Variants in DLG1 observed in about 807,000 individuals in gnomAD.
DLG1 encodes the protein discs large MAGUK scaffold protein 1.
A neutral mutation model predicts 123.4 loss-of-function variants in DLG1; 42 were observed. That is an observed-to-expected ratio of 0.34 (90% CI 0.27 to 0.44). The LOEUF is 0.44. DLG1 is among the 20% of genes least tolerant of loss of function. DLG1 has a pLI of 1.00. For missense variants in DLG1, 942 were observed against 1,082.6 expected (o/e 0.87, Z 1.82); for synonymous variants, 317 against 356.2 (o/e 0.89, Z 1.24).
intron 11 of DLG1, among the ~76,000 whole-genome samples, chr3:197,127,496 A>ATATATATATATATATATATATATATAT (rs1780315026): frequency 8.1e-6 from 1 of 123,936 alleles, no homozygotes; most frequent in Non-Finnish European, 1.7e-5. Flanking sequence ...ATATATATAT[A>ATATATATATATATATATATATATATAT]AAGTAAGAAA....
At chr3:197,164,162 C>T (rs1342634608) in intron 5 of DLG1, among the ~76,000 whole-genome samples, 4 of 151,492 alleles carry the variant, frequency 2.6e-5, no homozygotes. Flanking sequence ...GAGGCCGATG[C>T]GGGTGGATCG....
intron 4 of DLG1, among the ~76,000 whole-genome samples, chr3:197,228,336 T>C (rs145513433): frequency 9.3e-4 from 141 of 152,354 alleles, no homozygotes; most frequent in African/African-American, 3.3e-3. Context: ...AAGCACATTA[T>C]TTGGCACATG....
In DLG1 at chr3:197,155,690, T is replaced by A. The variant is rs574374918; in HGVS notation, c.484-5894A>T. 4.6e-5 allele frequency among the ~76,000 whole-genome samples: 7 copies of A among 150,786 alleles called. No individual in the cohort carries two copies. In the East Asian group the frequency reaches 1.2e-3, roughly 25 times the overall value. On this transcript the variant is annotated intron_variant, in intron 5 of 24. Transcript: ENST00000667157. ...ACACCTGTAATCCCAGCACTTCAGG[T>A]GGCCGAGGCAGGCAGAGATGGCTTG...
chr3:197,273,398 C>G (rs949399262), intron 4 of DLG1, among the ~76,000 whole-genome samples: 11 of 151,954 alleles, frequency 7.2e-5, no homozygotes, highest in African/African-American at 2.2e-4. Flanking sequence ...CCACAACAAC[C>G]GGCTAATTTT....
intron 4 of DLG1, among the ~76,000 whole-genome samples, chr3:197,274,895 A>C (rs1765652816): frequency 6.6e-6 from 1 of 152,212 alleles, no homozygotes; most frequent in Non-Finnish European, 1.5e-5. Flanking sequence ...GGAAATCAAA[A>C]CCATAATAAG....
At chr3:197,066,614 A>T (rs1243812388) in intron 20 of DLG1, 90 bp downstream of exon 20, 2 of 976,712 alleles carry the variant, frequency 2.0e-6, no homozygotes, top group African/African-American at 3.3e-5. Flanking sequence ...ATTTTAATAC[A>T]ACATTTTTTG....
At chr3:197,130,797 A>G in intron 10 of DLG1, 126 bp from the exon 11 acceptor site, 2 of 690,196 alleles carry the variant, frequency 2.9e-6, no homozygotes, top group South Asian at 2.2e-5. Context: ...GCCGAAAGAA[A>G]ATACCCATGT....
rs35792548 is a variant in DLG1 at position 197,053,774 on chromosome 3, TAAA to T, written c.2484-2109_2484-2107del. ...GGGAGACAGAGTAGACCCTGTCTCA[TAAA>T]AAAAAAAAAAAAAAAAATCTGCTGA... On this transcript the variant is annotated intron_variant, in intron 23 of 24. Coordinates refer to ENST00000667157, the MANE Select transcript of DLG1 (RefSeq NM_001366207.1). Among the ~76,000 whole-genome samples the T allele has an allele frequency of 7.9e-4, 77 of 97,288 alleles. 1 individual carries two copies. Among genetic ancestry groups the T allele is most frequent in the African/African-American group, 2.4e-3 (63 of 26,498 alleles). The allele number at this position is 97,288 out of a possible 152,430, so 63.8% of individuals were successfully genotyped here. A position where few individuals can be genotyped will look rare whatever the true frequency, so the allele number is the denominator to read the frequency against.
At chr3:197,186,183 C>A (rs1715860907) in intron 5 of DLG1, among the ~76,000 whole-genome samples, 2 of 152,158 alleles carry the variant, frequency 1.3e-5, no homozygotes, top group Non-Finnish European at 2.9e-5. Context: ...CACAAAAAAT[C>A]TATACCTAAA....
chr3:197,099,643 C>G (rs1333166978), intron 14 of DLG1, among the ~76,000 whole-genome samples: 1 of 152,096 alleles, frequency 6.6e-6, no homozygotes, highest in Non-Finnish European at 1.5e-5. Context: ...CCTTTGTTTT[C>G]ACCGCCACAC....
chr3:197,231,252 C>T lies in DLG1; in HGVS notation c.319-36663G>A, dbSNP rs989327034. Among the ~76,000 whole-genome samples, 19 of 152,220 alleles carry T rather than the reference C, an allele frequency of 1.2e-4. 1 individual carries two copies. The highest frequency in any genetic ancestry group is 4.1e-4 in the South Asian group (2 of 4,822). On this transcript the variant is annotated intron_variant, in intron 4 of 24. Transcript: ENST00000667157. Reference sequence around the variant, plus strand: ...TTGCTTATTTGCTGTCTTTTTGAAACGGCAGGAATTAAGCAGTGACATTAG... The same window carrying T: ...TTGCTTATTTGCTGTCTTTTTGAAATGGCAGGAATTAAGCAGTGACATTAG...
intron 4 of DLG1, among the ~76,000 whole-genome samples, chr3:197,216,564 T>A (rs530795985): frequency 6.6e-6 from 1 of 152,318 alleles, no homozygotes; most frequent in African/African-American, 2.4e-5. Flanking sequence ...TGAAATGCTG[T>A]CTACCATGAA....
chr3:197,044,582 A>T lies in DLG1; in HGVS notation c.*41T>A, dbSNP rs1458465114. 2 of 1,434,932 alleles carry T rather than the reference A, an allele frequency of 1.4e-6. No individual in the cohort carries two copies. Among genetic ancestry groups the T allele is most frequent in the Admixed American group, 1.8e-5 (1 of 56,940 alleles). 88.9% of individuals were successfully genotyped at this position (1,434,932 alleles called of 1,614,324 possible). A position where few individuals can be genotyped will look rare whatever the true frequency, so the allele number is the denominator to read the frequency against. On this transcript the variant is annotated 3_prime_UTR_variant, in exon 25 of 25. Transcript: ENST00000667157. ...GGAAAGGGCAAAGAGATGCCAAAGA[A>T]AATGGAATTGTGGAAAAGAGAAACA...
intron 4 of DLG1, among the ~76,000 whole-genome samples, chr3:197,279,644 A>G (rs887943274): frequency 1.3e-5 from 2 of 152,200 alleles, no homozygotes; most frequent in Non-Finnish European, 2.9e-5. Context: ...CCATGTTCAT[A>G]ATATATCTTT....
At chr3:197,104,498 A>G (rs931614931) in intron 14 of DLG1, among the ~76,000 whole-genome samples, 13 of 152,120 alleles carry the variant, frequency 8.5e-5, no homozygotes, top group Non-Finnish European at 1.8e-4. Flanking sequence ...CCTGACCAAC[A>G]TGGAGAAACT....
chr3:197,053,982 CTTGGGAGGCCGAG>C (rs1371608318), intron 23 of DLG1, among the ~76,000 whole-genome samples: 1 of 150,836 alleles, frequency 6.6e-6, no homozygotes, highest in African/African-American at 2.4e-5. Flanking sequence ...GCCCTAGCTG[CTTGGGAGGCCGAG>C]GTGAGAGGCT....
At chr3:197,045,391 A>T (rs1001933702) in intron 24 of DLG1, among the ~76,000 whole-genome samples, 1 of 152,180 alleles carries the variant, frequency 6.6e-6, no homozygotes, top group Non-Finnish European at 1.5e-5. Context: ...AACAAACAAA[A>T]ACAAAGTATC....
chr3:197,296,469 T>A lies in DLG1; in HGVS notation c.28A>T (p.Arg10Ter). The A allele has an allele frequency of 6.2e-7, 1 of 1,613,446 alleles. No individual in the cohort carries two copies. The change falls in exon 3 of 25, where the codon AGA becomes TGA. Residue 10 changes from arginine to a stop codon, truncating the protein, a stop_gained. Coordinates refer to ENST00000667157, the MANE Select transcript of DLG1 (RefSeq NM_001366207.1). LOFTEE classifies it high-confidence loss of function. The stretch of plus-strand genomic sequence containing the variant: ...TATTCCTCCAAAAGGTGCAATGCTC[T>A]CTGGGTATCTGAGAAGAAAAAGCAG... Reference protein sequence around the residue: MPVRKQDTQRALHLLEEYRS... With the variant: MPVRKQDTQ
At chr3:197,234,977 A>G (rs1206334597) in intron 4 of DLG1, among the ~76,000 whole-genome samples, 4 of 152,186 alleles carry the variant, frequency 2.6e-5, no homozygotes, top group Non-Finnish European at 5.9e-5. Flanking sequence ...CAAAATATGA[A>G]AAAACTTCTA....
Sources: allele counts gnomAD v4.1 joint callset (sites outside exome capture counted in the v4.1 genomes callset), GRCh38; gene constraint gnomAD v4.1.1; transcripts MANE v1.5; gene names NCBI Gene and HGNC (gene_info 2026-07-23, HGNC 2026-07-21).